The following RNF43 variants were observed in gnomAD, a reference collection of about 807,000 sequenced individuals.
The protein encoded by RNF43 is E3 ubiquitin-protein ligase RNF43.
In RNF43, 37 loss-of-function variants were observed where a neutral mutation model predicts 78.4. The observed-to-expected ratio is 0.47, with a 90% CI of 0.36 to 0.62. The LOEUF (loss-of-function observed/expected upper bound fraction) is 0.62, where lower values mean the gene tolerates loss of function less well. RNF43 is among the 20% of genes least tolerant of loss of function. The pLI, the probability that RNF43 is intolerant of heterozygous loss-of-function variation, is 0.00. For missense variants in RNF43, 774 were observed against 1,007.9 expected, an observed-to-expected ratio of 0.77 and a Z score of 3.14; for synonymous variants, 347 against 395.0, an observed-to-expected ratio of 0.88 and a Z score of 1.44.
chr17:58,357,162 G>A lies in RNF43; in HGVS notation c.2308+306C>T, dbSNP rs1008932438. 1 of 698,044 alleles carries A rather than the reference G, an allele frequency of 1.4e-6. No homozygotes were observed. Among genetic ancestry groups the A allele is most frequent in the Non-Finnish European group, 2.6e-6 (1 of 382,566 alleles). The allele number at this position is 698,044 out of a possible 1,614,324, so 43.2% of individuals were successfully genotyped here. A position where few individuals can be genotyped will look rare whatever the true frequency, so the allele number is the denominator to read the frequency against. On this transcript the variant is annotated intron_variant, in intron 9 of 9. Transcript: ENST00000407977. The surrounding 1 kb of genome is among the most constrained non-coding windows in gnomAD (Gnocchi z 4.5). Reference sequence around the variant, plus strand: ...ACCCACCTAGGCCTCCCAAAGTTCTGGGATTACAGGCATGAGCCATCACAC... The same window carrying A: ...ACCCACCTAGGCCTCCCAAAGTTCTAGGATTACAGGCATGAGCCATCACAC...
In RNF43 at chr17:58,371,140, T is replaced by C. The variant is rs929249943; in HGVS notation, c.253-107A>G. 8.5e-6 allele frequency: 10 copies of C among 1,180,230 alleles called. No individual in the cohort carries two copies. In the African/African-American group the frequency reaches 1.5e-4, roughly 18 times the overall value. The allele number at this position is 1,180,230 out of a possible 1,614,324, so 73.1% of individuals were successfully genotyped here. ...CTAGGGAGGTACCAGGCAGGTCTCT[T>C]GGTGCTGTAAAAGAGTAGGCCTTAT... On this transcript the variant is annotated intron_variant, in intron 2 of 9. Coordinates refer to ENST00000407977, the MANE Select transcript of RNF43 (RefSeq NM_017763.6).
intron 9 of RNF43, among the ~76,000 whole-genome samples, chr17:58,356,452 G>A (rs910225288): frequency 3.3e-5 from 5 of 152,170 alleles, no homozygotes; most frequent in Non-Finnish European, 7.3e-5. Flanking sequence ...ATGGAAAAGA[G>A]AGATATGTGG....
chr17:58,406,737 A>G (rs1973916046), intron 2 of RNF43, among the ~76,000 whole-genome samples: 1 of 152,058 alleles, frequency 6.6e-6, no homozygotes, highest in South Asian at 2.1e-4. Context: ...TGGGGGAAAA[A>G]ACGAATGGAA....
intron 2 of RNF43, among the ~76,000 whole-genome samples, chr17:58,377,955 C>T (rs1200347278): frequency 1.3e-5 from 2 of 152,178 alleles, no homozygotes; most frequent in African/African-American, 4.8e-5. Context: ...AAAGCTCCTG[C>T]AGATATGGGG....
Position 58,358,677 on chromosome 17 carries a change from C to T in RNF43, c.1099G>A (p.Ala367Thr). The change falls in exon 9 of 10, where the codon GCT (alanine) becomes ACT (threonine). Residue 367 changes from alanine to threonine, a missense_variant. By Grantham distance (58) the Ala-to-Thr change is moderately conservative. Coordinates refer to ENST00000407977, the MANE Select transcript of RNF43 (RefSeq NM_017763.6). This position sits in a 1 kb window ranked among gnomAD's most constrained non-coding sequence, Gnocchi z 6.2. ...AAGGGACCAGGTCGTGGGGGCCGAG[C>T]CACTGCACTCCGGGAAGGGCCCAAC... ...YLLGPSRSAV[A>T]RPPRPGPFLP... 6.5e-7 allele frequency: 1 copy of T among 1,528,644 alleles called. No homozygotes were observed. The highest frequency in any genetic ancestry group is 1.4e-5 in the African/African-American group (1 of 72,830). The allele number at this position is 1,528,644 out of a possible 1,614,324, so 94.7% of individuals were successfully genotyped here. A position where few individuals can be genotyped will look rare whatever the true frequency, so the allele number is the denominator to read the frequency against.
intron 2 of RNF43, among the ~76,000 whole-genome samples, chr17:58,391,324 C>G (rs1176711290): frequency 1.3e-5 from 2 of 152,238 alleles, no homozygotes; most frequent in Non-Finnish European, 2.9e-5. Context: ...ACCTCTCCAC[C>G]ACTACCCCCA....
chr17:58,377,733 C>T (rs572883174), intron 2 of RNF43, among the ~76,000 whole-genome samples: 66 of 134,910 alleles, frequency 4.9e-4, no homozygotes, highest in Non-Finnish European at 8.0e-4. Context: ...TCTTAGTTCT[C>T]TGATTCCACG....
rs2143516508 is a variant in RNF43 at position 58,371,034 on chromosome 17, C to A, written c.253-1G>T. 1 of 1,580,148 alleles carries A rather than the reference C, an allele frequency of 6.3e-7. No homozygotes were observed. The highest frequency in any genetic ancestry group is 8.6e-7 in the Non-Finnish European group (1 of 1,159,958). On this transcript the variant is annotated splice_acceptor_variant, in intron 2 of 9. Transcript: ENST00000407977. LOFTEE classifies it high-confidence loss of function. ...CATTGCACAGGTACAGCGGGTGGGA[C>A]TGCAGAGAGAGACAGACTTGGGTTA...
At chr17:58,401,821 CAT>C (rs1973805770) in intron 2 of RNF43, among the ~76,000 whole-genome samples, 2 of 45,698 alleles carry the variant, frequency 4.4e-5, no homozygotes, top group Admixed American at 2.3e-4. Flanking sequence ...ATATTCCTAG[CAT>C]AAAAAAAAAA....
At chr17:58,363,499 C>T (rs1457944435) in intron 4 of RNF43, 27 bp downstream of exon 4, 44 of 1,611,128 alleles carry the variant, frequency 2.7e-5, no homozygotes, top group Non-Finnish European at 3.6e-5. Flanking sequence ...CAGCCCCCAC[C>T]TTGAACACGC....
chr17:58,356,587 C>G (rs907243023), intron 9 of RNF43, among the ~76,000 whole-genome samples: 3 of 152,136 alleles, frequency 2.0e-5, no homozygotes, highest in Non-Finnish European at 4.4e-5. Context: ...GGAAGTCCTC[C>G]TTGTTCTTTT....
At chr17:58,396,193 T>C (rs941233460) in intron 2 of RNF43, among the ~76,000 whole-genome samples, 2 of 152,162 alleles carry the variant, frequency 1.3e-5, no homozygotes, top group African/African-American at 4.8e-5. Context: ...ATATGGAGGA[T>C]ACAGAAATGA....
In RNF43 at chr17:58,361,019, C is replaced by T. The variant is rs970969169; in HGVS notation, c.688-75G>A. On this transcript the variant is annotated intron_variant, in intron 6 of 9. Transcript: ENST00000407977. Reference sequence around the variant, plus strand: ...CCTCTCTGGACCCAAGCTTGGACTCCGTTCCCAGTCACTCAGGTAGATCAC... The same window carrying T: ...CCTCTCTGGACCCAAGCTTGGACTCTGTTCCCAGTCACTCAGGTAGATCAC... 17 of 1,410,852 alleles carry T rather than the reference C, an allele frequency of 1.2e-5. No homozygotes were observed. The African/African-American group carries it at 1.7e-4, about 14-fold the overall frequency. 87.4% of individuals were successfully genotyped at this position (1,410,852 alleles called of 1,614,324 possible).
intron 2 of RNF43, among the ~76,000 whole-genome samples, chr17:58,384,646 C>A (rs1310876719): frequency 1.3e-5 from 2 of 152,118 alleles, no homozygotes; most frequent in Non-Finnish European, 1.5e-5. Context: ...GGCTTGTGAC[C>A]TGGCTTCTGG....
rs978476861 is a variant in RNF43 at position 58,417,495 on chromosome 17, G to A, written c.-864C>T. The A allele has an allele frequency of 7.9e-5, 12 of 152,200 alleles. 1 individual carries two copies. The highest frequency in any genetic ancestry group is 2.9e-5 in the Non-Finnish European group (2 of 68,038). 9.4% of individuals were successfully genotyped at this position (152,200 alleles called of 1,614,324 possible). A position where few individuals can be genotyped will look rare whatever the true frequency, so the allele number is the denominator to read the frequency against. ...GACTTGGAAAGTTCGGAAGGATTCCGAGTGCTTCCTTTCAGAAAGACAATT... is the reference window on the plus strand; with the variant it reads ...GACTTGGAAAGTTCGGAAGGATTCCAAGTGCTTCCTTTCAGAAAGACAATT... On this transcript the variant is annotated 5_prime_UTR_variant, in exon 1 of 10. Coordinates refer to ENST00000407977, the MANE Select transcript of RNF43 (RefSeq NM_017763.6).
intron 2 of RNF43, among the ~76,000 whole-genome samples, chr17:58,409,777 T>C (rs1973986032): frequency 6.6e-6 from 1 of 152,098 alleles, no homozygotes; most frequent in Admixed American, 6.5e-5. Flanking sequence ...CCCAGCTACT[T>C]GGGGGAGCTG....
intron 2 of RNF43, among the ~76,000 whole-genome samples, chr17:58,385,856 C>T (rs189525111): frequency 2.0e-5 from 3 of 152,190 alleles, no homozygotes; most frequent in African/African-American, 7.2e-5. Context: ...CTTGTAATCC[C>T]ATAACTTTGG....
chr17:58,404,242 A>T (rs1973860281), intron 2 of RNF43, among the ~76,000 whole-genome samples: 1 of 152,218 alleles, frequency 6.6e-6, no homozygotes, highest in African/African-American at 2.4e-5. Flanking sequence ...ACAACTAAGG[A>T]CAAAGAAAAA....
At position 58,371,037 on chromosome 17, in the gene RNF43, C is replaced by T. The variant is rs769116938; in HGVS notation, c.253-4G>A. The T allele has an allele frequency of 6.4e-5, 100 of 1,569,942 alleles. No individual in the cohort carries two copies. The highest frequency in any genetic ancestry group is 8.1e-5 in the Non-Finnish European group (93 of 1,153,742). ...TGCACAGGTACAGCGGGTGGGACTGCAGAGAGAGACAGACTTGGGTTAGGG... is the reference window on the plus strand; with the variant it reads ...TGCACAGGTACAGCGGGTGGGACTGTAGAGAGAGACAGACTTGGGTTAGGG... On this transcript the variant is annotated splice_polypyrimidine_tract_variant and splice_region_variant and intron_variant, in intron 2 of 9. Coordinates refer to ENST00000407977, the MANE Select transcript of RNF43 (RefSeq NM_017763.6).
Sources: allele counts gnomAD v4.1 joint callset (sites outside exome capture counted in the v4.1 genomes callset), GRCh38; gene constraint gnomAD v4.1.1; non-coding constraint Gnocchi (gnomAD v3.1); transcripts MANE v1.5; gene names NCBI Gene and HGNC (gene_info 2026-07-23, HGNC 2026-07-21).